Variants in C8orf34 observed in about 807,000 individuals in gnomAD.
C8orf34 encodes the protein chromosome 8 open reading frame 34.
In C8orf34, 65 loss-of-function variants were observed where a neutral mutation model predicts 68.3. The ratio of observed to expected loss-of-function variants is 0.95; its 90% confidence interval spans 0.78 to 1.17. The LOEUF is 1.17. Among genes scored for constraint, C8orf34 ranks in the 50% most tolerant of loss-of-function variants. The pLI, the probability that C8orf34 is intolerant of heterozygous loss-of-function variation, is 0.00. For missense variants in C8orf34, 664 were observed against 655.4 expected, an observed-to-expected ratio of 1.01 and a Z score of -0.14; for synonymous variants, 244 against 241.2, an observed-to-expected ratio of 1.01 and a Z score of -0.11.
chr8:68,658,072 C>T (rs1390182091), intron 8 of C8orf34, among the ~76,000 whole-genome samples: 1 of 152,202 alleles, frequency 6.6e-6, no homozygotes, highest in Non-Finnish European at 1.5e-5. Flanking sequence ...TCCTTCTCCT[C>T]TTCCCCACAT....
rs370520091 is a variant in C8orf34 at position 68,705,648 on chromosome 8, G to C, written c.1242-3346G>C. On this transcript the variant is annotated intron_variant, in intron 8 of 13. Transcript: ENST00000518698. ...CGTAAAGGCATTGAATGAAGAATAT[G>C]GGAGTTTGGCTCAAAGAAGATTGAA... Among the ~76,000 whole-genome samples the C allele has an allele frequency of 6.6e-5, 10 of 152,216 alleles. No individual in the cohort carries two copies. In the East Asian group the frequency reaches 1.9e-3, roughly 29 times the overall value.
At chr8:68,448,869 C>A (rs1287063743) in intron 3 of C8orf34, among the ~76,000 whole-genome samples, 1 of 151,672 alleles carries the variant, frequency 6.6e-6, no homozygotes, top group African/African-American at 2.4e-5. Context: ...AATATCAAAC[C>A]AAATAAAAAT....
chr8:68,792,652 G>A (rs1194187403), intron 12 of C8orf34: 1 of 142,688 alleles, frequency 7.0e-6, no homozygotes, highest in African/African-American at 2.6e-5. Flanking sequence ...GAATTCTAAA[G>A]TAAGGAAAAA....
chr8:68,360,106 G>A (rs1272578960), intron 1 of C8orf34, among the ~76,000 whole-genome samples: 1 of 152,094 alleles, frequency 6.6e-6, no homozygotes, highest in Non-Finnish European at 1.5e-5. Flanking sequence ...TCTTCCCAGG[G>A]CCCAGTTACC....
intron 8 of C8orf34, among the ~76,000 whole-genome samples, chr8:68,702,245 TG>T (rs1342000504): frequency 1.3e-5 from 2 of 152,116 alleles, no homozygotes; most frequent in African/African-American, 4.8e-5. Flanking sequence ...TCCGTGCTTC[TG>T]CTCTTCTCTT....
intron 1 of C8orf34, among the ~76,000 whole-genome samples, chr8:68,388,980 T>C (rs1350026810): frequency 2.6e-5 from 4 of 152,164 alleles, no homozygotes; most frequent in Admixed American, 1.3e-4. Flanking sequence ...GCAACTCTTT[T>C]GTATTGTCAG....
At chr8:68,374,911 C>A in intron 1 of C8orf34, among the ~76,000 whole-genome samples, 1 of 152,060 alleles carries the variant, frequency 6.6e-6, no homozygotes, top group East Asian at 1.9e-4. Context: ...ATATTCTCTA[C>A]CTTAATGTGT....
At chr8:68,713,855 A>G (rs1344572422) in intron 9 of C8orf34, among the ~76,000 whole-genome samples, 1 of 152,114 alleles carries the variant, frequency 6.6e-6, no homozygotes, top group African/African-American at 2.4e-5. Context: ...AAAACTACAG[A>G]CCAGTATCCT....
intron 7 of C8orf34, among the ~76,000 whole-genome samples, chr8:68,616,236 A>C (rs923108728): frequency 4.6e-5 from 7 of 151,932 alleles, no homozygotes; most frequent in African/African-American, 1.7e-4. Context: ...CCTTTCAAAA[A>C]ACCAACTCCT....
intron 4 of C8orf34, among the ~76,000 whole-genome samples, chr8:68,484,552 C>T (rs548236258): frequency 5.3e-5 from 8 of 152,194 alleles, no homozygotes; most frequent in Non-Finnish European, 7.4e-5. Context: ...CTGAAGATCC[C>T]CAGTCTTCAT....
At chr8:68,359,883 C>T (rs1806911098) in intron 1 of C8orf34, among the ~76,000 whole-genome samples, 1 of 152,188 alleles carries the variant, frequency 6.6e-6, no homozygotes, top group African/African-American at 2.4e-5. Context: ...TCATACATGT[C>T]TAAAGCCAAG....
At chr8:68,456,196 C>A (rs1811544371) in intron 3 of C8orf34, among the ~76,000 whole-genome samples, 2 of 151,384 alleles carry the variant, frequency 1.3e-5, no homozygotes, top group South Asian at 4.2e-4. Flanking sequence ...GCAGAACTTG[C>A]AGTGAGCTGA....
chr8:68,707,927 A>G (rs1240772647), intron 8 of C8orf34, among the ~76,000 whole-genome samples: 1 of 152,232 alleles, frequency 6.6e-6, no homozygotes, highest in African/African-American at 2.4e-5. Flanking sequence ...GCTGAATATT[A>G]AAATTGTTTA....
At chr8:68,701,607 A>G (rs1821019170) in intron 8 of C8orf34, among the ~76,000 whole-genome samples, 1 of 151,872 alleles carries the variant, frequency 6.6e-6, no homozygotes, top group Admixed American at 6.6e-5. Flanking sequence ...CTCGTCTTTC[A>G]CTATGATTGG....
chr8:68,793,468 AG>A (rs1412794230), intron 12 of C8orf34, among the ~76,000 whole-genome samples: 1 of 152,238 alleles, frequency 6.6e-6, no homozygotes, highest in Non-Finnish European at 1.5e-5. Flanking sequence ...TCAACCTTTA[AG>A]AATTACTGGC....
chr8:68,467,907 C>A (rs562682993), intron 3 of C8orf34, among the ~76,000 whole-genome samples: 19 of 151,852 alleles, frequency 1.3e-4, no homozygotes, highest in Non-Finnish European at 2.5e-4. Flanking sequence ...TTCTTTATTG[C>A]CACTATTAAA....
chr8:68,729,930 A>C (rs1037679108), intron 10 of C8orf34, among the ~76,000 whole-genome samples: 1 of 152,196 alleles, frequency 6.6e-6, no homozygotes, highest in Non-Finnish European at 1.5e-5. Flanking sequence ...ACTCAAGTAT[A>C]ATTTTATGGT....
intron 3 of C8orf34, among the ~76,000 whole-genome samples, chr8:68,458,125 T>G (rs1586177372): frequency 6.6e-6 from 1 of 152,192 alleles, no homozygotes; most frequent in Non-Finnish European, 1.5e-5. Flanking sequence ...TTATTACATG[T>G]ATCAAATTGT....
chr8:68,696,408 G>A (rs571626485), intron 8 of C8orf34, among the ~76,000 whole-genome samples: 155 of 148,986 alleles, frequency 1.0e-3, no homozygotes, highest in African/African-American at 3.6e-3. Context: ...TATATACATA[G>A]TCCCTATTTT....
Sources: allele counts gnomAD v4.1 joint callset (sites outside exome capture counted in the v4.1 genomes callset), GRCh38; gene constraint gnomAD v4.1.1; transcripts MANE v1.5; gene names NCBI Gene and HGNC (gene_info 2026-07-23, HGNC 2026-07-21).